The following SLC2A13 variants were observed in gnomAD, a reference collection of about 807,000 sequenced individuals.
SLC2A13 encodes proton myo-inositol cotransporter.
SLC2A13 carries 32 observed loss-of-function variants against 64.4 expected under a neutral mutation model. The observed-to-expected ratio is 0.50, with a 90% CI of 0.37 to 0.67. The LOEUF (loss-of-function observed/expected upper bound fraction) is 0.67. Ranked by LOEUF, SLC2A13 falls within the 30% of genes least tolerant of loss-of-function variation. SLC2A13 has a pLI of 0.00. For missense variants in SLC2A13, 743 were observed against 829.2 expected, an observed-to-expected ratio of 0.90 and a Z score of 1.28; for synonymous variants, 338 against 327.1, an observed-to-expected ratio of 1.03 and a Z score of -0.36.
rs757643708 is a variant in SLC2A13, at chr12:39,760,155, T to C, written c.1818A>G (p.Glu606=). 4 of 1,612,984 alleles carry C rather than the reference T, an allele frequency of 2.5e-6. No homozygotes were observed. The highest frequency in any genetic ancestry group is 1.3e-5 in the African/African-American group (1 of 74,946). ...ETKGKKLEEI[E]SLFDNRLCTC... ...TACATAGCCTGTTGTCAAAGAGTGA[T>C]TCAATTTCCTCTAATTTTTTGCCTT... Residue 606 remains glutamate, a synonymous_variant, in exon 10 of 10, where the codon GAA becomes GAG. Coordinates refer to ENST00000280871, the MANE Select transcript of SLC2A13 (RefSeq NM_052885.4).
Position 39,759,306 on chromosome 12 carries a change from C to T in SLC2A13, c.*720G>A, listed in dbSNP as rs945862970. 16 of 152,036 alleles carry T rather than the reference C, an allele frequency of 1.1e-4. No homozygotes were observed. The highest frequency in any genetic ancestry group is 2.1e-4 in the South Asian group (1 of 4,832). 9.4% of individuals were successfully genotyped at this position (152,036 alleles called of 1,614,324 possible). A position where few individuals can be genotyped will look rare whatever the true frequency, so the allele number is the denominator to read the frequency against. On this transcript the variant is annotated 3_prime_UTR_variant, in exon 10 of 10. Coordinates refer to ENST00000280871, the MANE Select transcript of SLC2A13 (RefSeq NM_052885.4). ...TTCTCAAAACTTCCTAGCTCATCTG[C>T]GCAAATGTATGCCTTATCACTGATG...
intron 7 of SLC2A13, among the ~76,000 whole-genome samples, chr12:39,804,061 G>C (rs1211293990): frequency 6.6e-6 from 1 of 151,924 alleles, no homozygotes; most frequent in Non-Finnish European, 1.5e-5. Context: ...AAAAAAACTG[G>C]TGTGCATGTG....
At chr12:39,899,233 T>C (rs1260683421) in intron 4 of SLC2A13, among the ~76,000 whole-genome samples, 1 of 152,186 alleles carries the variant, frequency 6.6e-6, no homozygotes, top group Non-Finnish European at 1.5e-5. Context: ...TCGAGGAATT[T>C]ATCCATTTCT....
rs1942504742 is a variant in SLC2A13 at position 39,821,391 on chromosome 12, CAGAGCA to C, written c.1445+8706_1445+8711del. Among the ~76,000 whole-genome samples, 4 of 151,790 alleles carry C rather than the reference CAGAGCA, an allele frequency of 2.6e-5. No individual in the cohort carries two copies. The East Asian group carries it at 7.8e-4, about 30-fold the overall frequency. On this transcript the variant is annotated intron_variant, in intron 7 of 9. Transcript: ENST00000280871. The stretch of plus-strand genomic sequence containing the variant: ...TGCCACTACACTCCAGCCTGGGTAA[CAGAGCA>C]AGACTCCGTCTCAAAAAAAAAAAAT...
At chr12:39,881,390 T>C (rs1432728355) in intron 4 of SLC2A13, among the ~76,000 whole-genome samples, 2 of 152,104 alleles carry the variant, frequency 1.3e-5, no homozygotes, top group African/African-American at 4.8e-5. Flanking sequence ...CAACTAGAAA[T>C]AAAATGTTTA....
At chr12:39,817,637 CAGT>C (rs1299206108) in intron 7 of SLC2A13, among the ~76,000 whole-genome samples, 2 of 152,146 alleles carry the variant, frequency 1.3e-5, no homozygotes, top group Non-Finnish European at 2.9e-5. Context: ...TAGCTGTACA[CAGT>C]AGATCATAAA....
chr12:39,843,534 A>T (rs1943228893), intron 6 of SLC2A13, among the ~76,000 whole-genome samples: 1 of 152,134 alleles, frequency 6.6e-6, no homozygotes, highest in Non-Finnish European at 1.5e-5. Flanking sequence ...ATTTCAAGGT[A>T]GATAGAGAAT....
chr12:39,773,628 G>A (rs1468957792), intron 7 of SLC2A13, among the ~76,000 whole-genome samples: 1 of 152,216 alleles, frequency 6.6e-6, no homozygotes, highest in Non-Finnish European at 1.5e-5. Flanking sequence ...TTAGCCATAA[G>A]TAGTATATTC....
intron 7 of SLC2A13, among the ~76,000 whole-genome samples, chr12:39,797,727 AACACACACAC>A (rs1555237479): frequency 4.8e-5 from 4 of 84,002 alleles, no homozygotes; most frequent in Admixed American, 1.5e-4. Context: ...AGTTATGGTA[AACACACACAC>A]ACACACACAC....
At chr12:40,079,353 C>T (rs1565618131) in intron 1 of SLC2A13, among the ~76,000 whole-genome samples, 1 of 152,164 alleles carries the variant, frequency 6.6e-6, no homozygotes, top group Non-Finnish European at 1.5e-5. Context: ...TTGATTTGTA[C>T]CTTAATTTCA....
At chr12:39,923,236 A>G (rs1299436099) in intron 4 of SLC2A13, among the ~76,000 whole-genome samples, 1 of 152,232 alleles carries the variant, frequency 6.6e-6, no homozygotes, top group East Asian at 1.9e-4. Context: ...TTTACAGTAA[A>G]TAAAAGTGGA....
intron 3 of SLC2A13, among the ~76,000 whole-genome samples, chr12:39,983,202 T>A (rs1255768874): frequency 4.6e-5 from 7 of 150,604 alleles, no homozygotes; most frequent in Non-Finnish European, 1.5e-5. Flanking sequence ...GATTTAAACA[T>A]TAGACCTAAA....
intron 9 of SLC2A13, among the ~76,000 whole-genome samples, 161 bp from the exon 10 acceptor site, chr12:39,760,413 C>A (rs1940091748): frequency 6.6e-6 from 1 of 151,730 alleles, no homozygotes; most frequent in Non-Finnish European, 1.5e-5. Context: ...TCCAATTGTT[C>A]CAACTCTGAG....
chr12:40,057,764 TAATTTTTACACAAA>T (rs1948354709), intron 1 of SLC2A13, among the ~76,000 whole-genome samples: 1 of 152,178 alleles, frequency 6.6e-6, no homozygotes, highest in Non-Finnish European at 1.5e-5. Flanking sequence ...TATGCCTGAA[TAATTTTTACACAAA>T]AATTTCTGCT....
At chr12:40,011,459 G>T (rs1947530365) in intron 3 of SLC2A13, among the ~76,000 whole-genome samples, 1 of 152,144 alleles carries the variant, frequency 6.6e-6, no homozygotes, top group South Asian at 2.1e-4. Context: ...CATACTCTTA[G>T]ATCTATCAAG....
At chr12:39,956,092 T>C (rs1946310154) in intron 3 of SLC2A13, among the ~76,000 whole-genome samples, 1 of 152,196 alleles carries the variant, frequency 6.6e-6, no homozygotes. Context: ...AAGAGTATCA[T>C]GAACAACTTT....
intron 7 of SLC2A13, among the ~76,000 whole-genome samples, chr12:39,779,034 A>T (rs1262303418): frequency 6.6e-6 from 1 of 152,210 alleles, no homozygotes; most frequent in Admixed American, 6.5e-5. Context: ...CTTTGTGACA[A>T]CTAGAATATG....
At chr12:40,099,005 G>T (rs530249205) in intron 1 of SLC2A13, among the ~76,000 whole-genome samples, 1 of 152,322 alleles carries the variant, frequency 6.6e-6, no homozygotes, top group South Asian at 2.1e-4. Context: ...GCCCTGCTGT[G>T]AAACGATGCT....
intron 3 of SLC2A13, among the ~76,000 whole-genome samples, chr12:40,004,589 A>C (rs1342785787): frequency 2.0e-5 from 3 of 151,700 alleles, no homozygotes; most frequent in African/African-American, 7.3e-5. Context: ...TGTAGCACAG[A>C]CTGGGCAATG....
Sources: allele counts gnomAD v4.1 joint callset (sites outside exome capture counted in the v4.1 genomes callset), GRCh38; gene constraint gnomAD v4.1.1; transcripts MANE v1.5; gene names NCBI Gene and HGNC (gene_info 2026-07-23, HGNC 2026-07-21).